Variants in MCF2L2 observed in about 807,000 individuals in gnomAD.
MCF2L2 encodes the protein MCF.2 cell line derived transforming sequence-like 2.
MCF2L2 carries 102 observed loss-of-function variants against 150.2 expected under a neutral mutation model. The observed-to-expected ratio is 0.68, with a 90% CI of 0.58 to 0.80. The LOEUF is 0.80. Among genes scored for constraint, MCF2L2 ranks in the 30% least tolerant of loss-of-function variants. The probability of loss-of-function intolerance (pLI) is 0.00; values close to 1 mark genes in which losing one functional copy is unlikely to be tolerated. For missense variants in MCF2L2, 1,256 were observed against 1,372.8 expected (o/e 0.91, Z 1.34); for synonymous variants, 465 against 491.3 (o/e 0.95, Z 0.71).
intron 3 of MCF2L2, chr3:183,372,279 G>T (rs1018407401): frequency 6.6e-6 from 1 of 152,028 alleles, no homozygotes; most frequent in Non-Finnish European, 1.5e-5. Context: ...CAATTCACAG[G>T]CCAAATAATA....
chr3:183,259,025 TA>T (rs1725343459), intron 15 of MCF2L2, among the ~76,000 whole-genome samples: 1 of 152,230 alleles, frequency 6.6e-6, no homozygotes, highest in African/African-American at 2.4e-5. Flanking sequence ...GACACGACCA[TA>T]AATTTTTTTT....
chr3:183,290,033 T>C (rs888237366), intron 13 of MCF2L2, among the ~76,000 whole-genome samples: 1 of 152,236 alleles, frequency 6.6e-6, no homozygotes, highest in Non-Finnish European at 1.5e-5. Flanking sequence ...CTACATTGTA[T>C]TGAATATATT....
chr3:183,182,101 C>T (rs1721545166), intron 27 of MCF2L2, among the ~76,000 whole-genome samples: 1 of 152,168 alleles, frequency 6.6e-6, no homozygotes, highest in Non-Finnish European at 1.5e-5. Flanking sequence ...AGACCCTGGA[C>T]TCAACTGTTT....
intron 5 of MCF2L2, among the ~76,000 whole-genome samples, chr3:183,328,891 A>G (rs1730156752): frequency 6.6e-6 from 1 of 152,264 alleles, no homozygotes; most frequent in African/African-American, 2.4e-5. Flanking sequence ...GCATCACCAA[A>G]GAACATATAC....
chr3:183,335,367 CAT>C (rs1730435561), intron 5 of MCF2L2, among the ~76,000 whole-genome samples: 1 of 87,638 alleles, frequency 1.1e-5, no homozygotes, highest in African/African-American at 1.1e-4. Context: ...CATATAAATA[CAT>C]AAACATAGTC....
intron 6 of MCF2L2, among the ~76,000 whole-genome samples, chr3:183,319,874 A>C (rs2108517482): frequency 6.6e-6 from 1 of 152,176 alleles, no homozygotes; most frequent in Non-Finnish European, 1.5e-5. Context: ...CCTCATTCTT[A>C]AGGGCCCTAG....
At chr3:183,419,802 G>A (rs1053992674) in intron 1 of MCF2L2, among the ~76,000 whole-genome samples, 4 of 152,190 alleles carry the variant, frequency 2.6e-5, no homozygotes, top group Non-Finnish European at 5.9e-5. Flanking sequence ...GAACCTGGGG[G>A]GCAGAGGTTG....
chr3:183,240,347 A>G (rs1250903371), intron 15 of MCF2L2, among the ~76,000 whole-genome samples: 1 of 152,176 alleles, frequency 6.6e-6, no homozygotes, highest in Non-Finnish European at 1.5e-5. Flanking sequence ...CTCGTGCCTC[A>G]GCCTCCCCAG....
intron 21 of MCF2L2, among the ~76,000 whole-genome samples, chr3:183,218,282 C>A (rs1231528544): frequency 4.6e-5 from 7 of 152,244 alleles, no homozygotes; most frequent in East Asian, 3.8e-4. Flanking sequence ...AGAAGCTTCG[C>A]TTCCTGGTAA....
chr3:183,230,922 T>C (rs778701940), intron 16 of MCF2L2, 29 bp downstream of exon 16: 2 of 1,551,474 alleles, frequency 1.3e-6, no homozygotes, highest in Admixed American at 3.3e-5. Context: ...GAATATATGC[T>C]TGATACCCCA....
intron 1 of MCF2L2, among the ~76,000 whole-genome samples, chr3:183,425,943 G>A (rs570830700): frequency 1.2e-3 from 181 of 148,198 alleles, no homozygotes; most frequent in African/African-American, 3.7e-3. Context: ...CAACAAGAGC[G>A]AAACTCCATC....
At chr3:183,221,083 CT>C (rs1723132765) in intron 20 of MCF2L2, among the ~76,000 whole-genome samples, 2 of 152,140 alleles carry the variant, frequency 1.3e-5, no homozygotes, top group Non-Finnish European at 2.9e-5. Context: ...AGCTCTGCCC[CT>C]GGGGATAGAG....
At chr3:183,361,013 GAAAAGAAAA>G (rs1712132836) in intron 3 of MCF2L2, among the ~76,000 whole-genome samples, 1 of 124,828 alleles carries the variant, frequency 8.0e-6, no homozygotes, top group Admixed American at 7.8e-5. Context: ...GAAAAGAAAA[GAAAAGAAAA>G]GAGAAAAGAA....
intron 3 of MCF2L2, chr3:183,374,680 A>AAAGAAAG (rs1713091207): frequency 1.3e-5 from 2 of 148,316 alleles, no homozygotes; most frequent in Admixed American, 6.6e-5. Context: ...AAAAAAAAAA[A>AAAGAAAG]AAAGAAAGAA....
intron 15 of MCF2L2, among the ~76,000 whole-genome samples, chr3:183,260,999 C>A (rs9819105): frequency 1.3e-5 from 2 of 152,012 alleles, no homozygotes; most frequent in Non-Finnish European, 2.9e-5. Context: ...GGTAGAATTT[C>A]TTTTCTTTTT....
At position 183,267,470 on chromosome 3, in the gene MCF2L2, C is replaced by G. The variant is rs1726265326; in HGVS notation, c.1862+9402G>C. ...GGGGATGGAGGTGTCACAGCTGAGGCTAGGCCCATTCTGCAGGGCACTCAG... is the reference window on the plus strand; with the variant it reads ...GGGGATGGAGGTGTCACAGCTGAGGGTAGGCCCATTCTGCAGGGCACTCAG... On this transcript the variant is annotated intron_variant, in intron 15 of 29. Transcript: ENST00000328913. The surrounding 1 kb of genome is among the most constrained non-coding windows in gnomAD (Gnocchi z 5.5). Among the ~76,000 whole-genome samples the G allele has an allele frequency of 6.6e-6, 1 of 152,206 alleles. No homozygotes were observed. Among genetic ancestry groups the G allele is most frequent in the South Asian group, 2.1e-4 (1 of 4,830 alleles).
At chr3:183,427,548 C>G (rs1716230069) in intron 1 of MCF2L2, among the ~76,000 whole-genome samples, 1 of 152,198 alleles carries the variant, frequency 6.6e-6, no homozygotes, top group African/African-American at 2.4e-5. Context: ...ATGCCCTCTC[C>G]TTTCTCACTA....
chr3:183,180,409 G>A (rs1231062306), intron 27 of MCF2L2: 3 of 423,696 alleles, frequency 7.1e-6, no homozygotes, highest in African/African-American at 4.1e-5. Flanking sequence ...CTACCTCCCC[G>A]TTCCTCCAAG....
intron 15 of MCF2L2, chr3:183,273,386 T>C (rs542113082): frequency 3.7e-5 from 7 of 190,688 alleles, no homozygotes; most frequent in Non-Finnish European, 8.0e-5. Flanking sequence ...TGAAAAATTA[T>C]CATGAGATGT....
Sources: allele counts gnomAD v4.1 joint callset (sites outside exome capture counted in the v4.1 genomes callset), GRCh38; gene constraint gnomAD v4.1.1; non-coding constraint Gnocchi (gnomAD v3.1); transcripts MANE v1.5; gene names NCBI Gene and HGNC (gene_info 2026-07-23, HGNC 2026-07-21).